Variants in TJP1 observed in about 807,000 individuals in gnomAD.
The protein encoded by TJP1 is tight junction protein 1, also known as tight junction protein ZO-1.
TJP1 carries 43 observed loss-of-function variants against 194.2 expected under a neutral mutation model. That is an observed-to-expected ratio of 0.22 (90% CI 0.17 to 0.29). The LOEUF (loss-of-function observed/expected upper bound fraction) is 0.29. TJP1 is among the 10% of genes least tolerant of loss of function. TJP1 has a pLI of 1.00. For synonymous variants in TJP1, 801 were observed against 779.0 expected, an observed-to-expected ratio of 1.03 and a Z score of -0.47; for missense variants, 1,971 against 2,185.7, an observed-to-expected ratio of 0.90 and a Z score of 1.96.
At chr15:29,706,031 A>G (rs1421031348) in intron 25 of TJP1, among the ~76,000 whole-genome samples, 1 of 152,116 alleles carries the variant, frequency 6.6e-6, no homozygotes, top group African/African-American at 2.4e-5. Flanking sequence ...TCCCAGGTTC[A>G]AGTGATTTTT....
intron 8 of TJP1, chr15:29,759,249 C>A (rs1214527915): frequency 6.6e-6 from 1 of 152,206 alleles, no homozygotes; most frequent in Non-Finnish European, 1.5e-5. Flanking sequence ...CTTCAGCTAA[C>A]ACCTCTATGC....
intron 2 of TJP1, among the ~76,000 whole-genome samples, chr15:29,949,634 A>C (rs1596311286): frequency 2.2e-5 from 2 of 92,732 alleles, no homozygotes; most frequent in Non-Finnish European, 4.2e-5. Context: ...CTCCACCTCC[A>C]CCACCTCCAC....
At chr15:29,832,691 T>C (rs1294931152) in intron 2 of TJP1, among the ~76,000 whole-genome samples, 2 of 152,196 alleles carry the variant, frequency 1.3e-5, no homozygotes, top group African/African-American at 4.8e-5. Flanking sequence ...CTTTTGTGTA[T>C]ATGAAGTACT....
intron 2 of TJP1, among the ~76,000 whole-genome samples, chr15:29,844,700 G>C (rs1823498149): frequency 6.6e-6 from 1 of 152,196 alleles, no homozygotes; most frequent in African/African-American, 2.4e-5. Flanking sequence ...TCAGGAGCAA[G>C]TTTGGGGCAC....
Position 29,700,397 on chromosome 15 carries a change from CTG to C in TJP1, c.*1196_*1197del, listed in dbSNP as rs1209710132. On this transcript the variant is annotated 3_prime_UTR_variant, in exon 28 of 28. Transcript: ENST00000614355. ...AATCAAACTAGAGAATTCTGAGTAACTGTATCTTTTAAATGCAGCACTTAAAA... is the reference window on the plus strand; with the variant it reads ...AATCAAACTAGAGAATTCTGAGTAACTATCTTTTAAATGCAGCACTTAAAA... 4 of 398,758 alleles carry C rather than the reference CTG, an allele frequency of 1.0e-5. No homozygotes were observed. Among genetic ancestry groups the C allele is most frequent in the South Asian group, 1.3e-4 (1 of 7,852 alleles). The allele number at this position is 398,758 out of a possible 1,614,324, so 24.7% of individuals were successfully genotyped here. A position where few individuals can be genotyped will look rare whatever the true frequency, so the allele number is the denominator to read the frequency against.
chr15:29,736,896 T>C (rs2044069436), intron 11 of TJP1, among the ~76,000 whole-genome samples: 1 of 152,214 alleles, frequency 6.6e-6, no homozygotes, highest in Non-Finnish European at 1.5e-5. Flanking sequence ...TGCTGCCAAG[T>C]TGTGGCCCAT....
chr15:29,959,638 C>CG (rs2152318179), intron 1 of TJP1, among the ~76,000 whole-genome samples: 1 of 152,254 alleles, frequency 6.6e-6, no homozygotes, highest in African/African-American at 2.4e-5. Flanking sequence ...CCCAGTGCTC[C>CG]GGACAACTGT....
chr15:29,949,631 TCCACCACC>T (rs2055534980), intron 2 of TJP1, among the ~76,000 whole-genome samples: 2 of 20,642 alleles, frequency 9.7e-5, no homozygotes, highest in Non-Finnish European at 1.8e-4. Context: ...CACCTCCACC[TCCACCACC>T]TCCACCACCA....
chr15:29,953,149 T>TA lies in TJP1; in HGVS notation c.306+3082_306+3083insT, dbSNP rs1311018339. Among the ~76,000 whole-genome samples the TA allele has an allele frequency of 1.6e-4, 23 of 143,024 alleles. No homozygotes were observed. In the East Asian group the frequency reaches 5.0e-3, roughly 31 times the overall value. The allele number at this position is 143,024 out of a possible 152,430, so 93.8% of individuals were successfully genotyped here. A position where few individuals can be genotyped will look rare whatever the true frequency, so the allele number is the denominator to read the frequency against. On this transcript the variant is annotated intron_variant, in intron 2 of 28. Coordinates refer to the TJP1 transcript ENST00000356107. Reference sequence around the variant, plus strand: ...TCATAAAAGAAGACAGATTTTTTTTTTTTTTTTTTTGCAACGGAGTCTCGC... The same window carrying TA: ...TCATAAAAGAAGACAGATTTTTTTTTATTTTTTTTTTGCAACGGAGTCTCGC...
intron 18 of TJP1, among the ~76,000 whole-genome samples, chr15:29,725,426 G>C (rs1381989250): frequency 2.0e-5 from 3 of 152,142 alleles, no homozygotes; most frequent in Non-Finnish European, 4.4e-5. Context: ...CCACAGCCAG[G>C]CAGAGGAAGG....
intron 2 of TJP1, among the ~76,000 whole-genome samples, chr15:29,861,585 T>C (rs187873827): frequency 1.3e-5 from 2 of 152,338 alleles, no homozygotes; most frequent in Non-Finnish European, 2.9e-5. Context: ...TATTTGTATG[T>C]TGCCTTTGGA....
At chr15:29,799,903 TC>T (rs1353708380) in intron 2 of TJP1, among the ~76,000 whole-genome samples, 1 of 152,268 alleles carries the variant, frequency 6.6e-6, no homozygotes, top group African/African-American at 2.4e-5. Flanking sequence ...ATTCTCTCTT[TC>T]CATACATTCT....
chr15:29,722,486 T>C (rs1048274606), intron 18 of TJP1, among the ~76,000 whole-genome samples: 5 of 152,052 alleles, frequency 3.3e-5, no homozygotes, highest in African/African-American at 7.3e-5. Flanking sequence ...AGTTGAGGCT[T>C]GGGAGCCTCT....
intron 2 of TJP1, among the ~76,000 whole-genome samples, chr15:29,903,431 A>G (rs2053696258): frequency 6.6e-6 from 1 of 152,106 alleles, no homozygotes; most frequent in Non-Finnish European, 1.5e-5. Context: ...TACATGTTCA[A>G]TCTTACCGAG....
intron 1 of TJP1, among the ~76,000 whole-genome samples, chr15:29,964,847 T>C (rs1211939597): frequency 6.6e-6 from 1 of 152,198 alleles, no homozygotes; most frequent in Non-Finnish European, 1.5e-5. Context: ...TCTAAATTTC[T>C]TGAAGAAGGG....
At chr15:29,956,251 A>T in exon 2 of TJP1, 1 of 1,287,604 alleles carries the variant, frequency 7.8e-7, no homozygotes, top group Non-Finnish European at 1.0e-6. Context: ...ACAGAAATCC[A>T]TGCTATCAAG....
intron 1 of TJP1, among the ~76,000 whole-genome samples, chr15:29,804,255 T>C (rs74748883): frequency 0.036 from 5,426 of 152,152 alleles, 124 homozygotes; most frequent in Middle Eastern, 0.085. Context: ...AAAATGATAA[T>C]GGTAGAATCT....
intron 2 of TJP1, among the ~76,000 whole-genome samples, chr15:29,791,239 C>T (rs1197759366): frequency 6.6e-6 from 1 of 151,710 alleles, no homozygotes; most frequent in Admixed American, 6.6e-5. Flanking sequence ...TTTGGTCAGG[C>T]TGATCTTGAA....
intron 1 of TJP1, among the ~76,000 whole-genome samples, chr15:29,804,512 G>C (rs2048993760): frequency 6.6e-6 from 1 of 152,128 alleles, no homozygotes; most frequent in Non-Finnish European, 1.5e-5. Flanking sequence ...AGAAAAGCAA[G>C]GGGTGTGGAG....
Sources: gnomAD v4.1 joint callset for allele counts (sites outside exome capture counted in the v4.1 genomes callset) on GRCh38, gnomAD v4.1.1 for gene constraint, MANE v1.5 for transcripts, NCBI Gene and HGNC (gene_info 2026-07-23, HGNC 2026-07-21) for gene names.